LRRC8C: variants seen among roughly 807,000 people sequenced by gnomAD.
LRRC8C encodes the protein volume-regulated anion channel subunit LRRC8C.
In LRRC8C, 20 loss-of-function variants were observed where a neutral mutation model predicts 55.3. That is an observed-to-expected ratio of 0.36 (90% CI 0.25 to 0.53). LRRC8C has a LOEUF of 0.53. Among genes scored for constraint, LRRC8C ranks in the 20% least tolerant of loss-of-function variants. The pLI is 0.92. For synonymous variants in LRRC8C, 376 were observed against 360.7 expected (o/e 1.04, Z -0.48); for missense variants, 659 against 951.4 (o/e 0.69, Z 4.04).
chr1:89,708,603 CAAA>C lies in LRRC8C; in HGVS notation c.139-4105_139-4103del, dbSNP rs1438752184. 7 of 151,256 alleles carry C rather than the reference CAAA, an allele frequency of 4.6e-5. No homozygotes were observed. The East Asian group carries it at 5.8e-4, about 12-fold the overall frequency. 9.4% of individuals were successfully genotyped at this position (151,256 alleles called of 1,614,324 possible). On this transcript the variant is annotated intron_variant, in intron 2 of 2. Coordinates refer to ENST00000370454, the MANE Select transcript of LRRC8C (RefSeq NM_032270.5). ...AAGAAGAAGATGACGAAGAAGAAGACAAAGAAGAAGAAGCTGCCTGCCTTATTT... is the reference window on the plus strand; with the variant it reads ...AAGAAGAAGATGACGAAGAAGAAGACGAAGAAGAAGCTGCCTGCCTTATTT...
intron 2 of LRRC8C, among the ~76,000 whole-genome samples, chr1:89,699,689 A>G (rs1237996909): frequency 6.6e-6 from 1 of 152,180 alleles, no homozygotes; most frequent in Non-Finnish European, 1.5e-5. Flanking sequence ...GTGATGCAGC[A>G]TGTGTGGTTC....
At chr1:89,629,731 C>T (rs529950470), upstream of LRRC8C, 1 of 152,316 alleles carries the variant, frequency 6.6e-6, no homozygotes, top group South Asian at 2.1e-4. Context: ...GGAGAGGCTC[C>T]CAGACTCTGT....
chr1:89,694,733 A>G (rs1446769328), intron 2 of LRRC8C, among the ~76,000 whole-genome samples: 1 of 151,042 alleles, frequency 6.6e-6, no homozygotes, highest in East Asian at 1.9e-4. Flanking sequence ...GATTACATCC[A>G]TGCACCACCA....
At chr1:89,625,791 T>C in the LRRC8C span, among the ~76,000 whole-genome samples, 4 of 152,142 alleles carry the variant, frequency 2.6e-5, no homozygotes, top group Non-Finnish European at 4.4e-5. Context: ...AAAGAAACAA[T>C]TGCTTAGGCT....
chr1:89,682,337 G>A (rs1657738975), intron 1 of LRRC8C, among the ~76,000 whole-genome samples: 1 of 152,106 alleles, frequency 6.6e-6, no homozygotes, highest in Admixed American at 6.5e-5. Flanking sequence ...GCCTTAGTTT[G>A]ACTTTATTTC....
At chr1:89,619,357 T>C in the LRRC8C span, among the ~76,000 whole-genome samples, 2 of 151,568 alleles carry the variant, frequency 1.3e-5, no homozygotes, top group Non-Finnish European at 2.9e-5. Context: ...GAAATAAAAA[T>C]GTAGAAACAT....
chr1:89,679,037 A>G (rs1046983715), intron 1 of LRRC8C, among the ~76,000 whole-genome samples: 8 of 152,158 alleles, frequency 5.3e-5, no homozygotes, highest in Non-Finnish European at 1.0e-4. Flanking sequence ...TGGTATTGAA[A>G]CATTGAGGCC....
chr1:89,694,582 CTTCTTTTTTTTT>C, intron 2 of LRRC8C, among the ~76,000 whole-genome samples: 1 of 94,888 alleles, frequency 1.1e-5, no homozygotes, highest in East Asian at 3.5e-4. Context: ...CCATGCCCAG[CTTCTTTTTTTTT>C]TTTTTTTTTT....
intron 1 of LRRC8C, among the ~76,000 whole-genome samples, chr1:89,682,183 A>C (rs1440745919): frequency 6.6e-6 from 1 of 152,192 alleles, no homozygotes; most frequent in South Asian, 2.1e-4. Context: ...TCTCAAAAAA[A>C]AGAATTTAAA....
intron 2 of LRRC8C, among the ~76,000 whole-genome samples, chr1:89,700,209 G>A (rs1658281485): frequency 6.6e-6 from 1 of 152,002 alleles, no homozygotes; most frequent in Admixed American, 6.5e-5. Context: ...TTTTGCTCCT[G>A]CCTCTGGAAC....
rs999364030 is a variant in LRRC8C at position 89,663,749 on chromosome 1, G to A, written c.-4-22721G>A. 3.3e-5 allele frequency among the ~76,000 whole-genome samples: 5 copies of A among 152,274 alleles called. No individual in the cohort carries two copies. The South Asian group carries it at 6.2e-4, about 19-fold the overall frequency. On this transcript the variant is annotated intron_variant, in intron 1 of 2. Transcript: ENST00000370454. ...ACTAATTTACACTCCCACCAACAGT[G>A]TAAAAGCGTTCCTGTTTCTCCACAT...
chr1:89,678,917 G>A (rs1657626544), intron 1 of LRRC8C, among the ~76,000 whole-genome samples: 1 of 152,140 alleles, frequency 6.6e-6, no homozygotes, highest in African/African-American at 2.4e-5. Flanking sequence ...GTAGGTTTTG[G>A]ACAGGCCAAG....
intron 1 of LRRC8C, among the ~76,000 whole-genome samples, chr1:89,670,674 A>G (rs1468624272): frequency 6.6e-6 from 1 of 152,214 alleles, no homozygotes; most frequent in Non-Finnish European, 1.5e-5. Context: ...TTACAAATCT[A>G]TTTGGTTCTT....
At chr1:89,660,984 TG>T (rs1457427407) in intron 1 of LRRC8C, among the ~76,000 whole-genome samples, 1 of 152,170 alleles carries the variant, frequency 6.6e-6, no homozygotes, top group African/African-American at 2.4e-5. Flanking sequence ...TGGACTCCTC[TG>T]GTAGCCTTTT....
At chr1:89,680,366 C>T (rs1262469850) in intron 1 of LRRC8C, among the ~76,000 whole-genome samples, 3 of 151,084 alleles carry the variant, frequency 2.0e-5, no homozygotes, top group South Asian at 2.1e-4. Flanking sequence ...CGTGAGCCAC[C>T]GTGCCCGGCC....
At chr1:89,670,452 G>A (rs918624084) in intron 1 of LRRC8C, among the ~76,000 whole-genome samples, 2 of 151,918 alleles carry the variant, frequency 1.3e-5, no homozygotes, top group Non-Finnish European at 2.9e-5. Context: ...TGTAATTCTG[G>A]TAACTACTTT....
At chr1:89,665,327 T>A (rs1263761551) in intron 1 of LRRC8C, among the ~76,000 whole-genome samples, 1 of 152,066 alleles carries the variant, frequency 6.6e-6, no homozygotes, top group African/African-American at 2.4e-5. Context: ...TTATTGAGAG[T>A]TTTTAGCATG....
At chr1:89,664,073 G>A (rs1657191056) in intron 1 of LRRC8C, among the ~76,000 whole-genome samples, 1 of 152,132 alleles carries the variant, frequency 6.6e-6, no homozygotes, top group Admixed American at 6.5e-5. Flanking sequence ...TCTGTAGGTT[G>A]CCTGTTCACC....
At chr1:89,688,838 G>C (rs750364761) in intron 2 of LRRC8C, among the ~76,000 whole-genome samples, 1 of 152,218 alleles carries the variant, frequency 6.6e-6, no homozygotes, top group African/African-American at 2.4e-5. Context: ...GTAGGAAGCT[G>C]TATCATTGGA....
Sources: gnomAD v4.1 joint callset for allele counts (sites outside exome capture counted in the v4.1 genomes callset) on GRCh38, gnomAD v4.1.1 for gene constraint, MANE v1.5 for transcripts, NCBI Gene and HGNC (gene_info 2026-07-23, HGNC 2026-07-21) for gene names.